ARK2C: variants seen among roughly 807,000 people sequenced by gnomAD.
ARK2C encodes the protein arkadia (RNF111) C-terminal like ring finger ubiquitin ligase 2C, also known as E3 ubiquitin-protein ligase ARK2C.
the ARK2C span, among the ~76,000 whole-genome samples, chr18:46,362,104 T>C: frequency 0.18 from 28,146 of 152,168 alleles, 2,986 homozygotes; most frequent in Middle Eastern, 0.24. Flanking sequence ...TATGGGAGTG[T>C]AATGGGGTGC....
the ARK2C span, among the ~76,000 whole-genome samples, chr18:46,411,568 T>C: frequency 2.0e-5 from 3 of 152,236 alleles, no homozygotes; most frequent in African/African-American, 7.2e-5. Flanking sequence ...ACAGCTGAGG[T>C]TCTGCCTCAC....
chr18:46,344,911 C>T, the ARK2C span, among the ~76,000 whole-genome samples: 1 of 152,332 alleles, frequency 6.6e-6, no homozygotes, highest in East Asian at 1.9e-4. Flanking sequence ...TCTTGGACAC[C>T]AGGGTGGTGG....
chr18:46,395,406 T>C, the ARK2C span, among the ~76,000 whole-genome samples: 1 of 152,212 alleles, frequency 6.6e-6, no homozygotes, highest in Non-Finnish European at 1.5e-5. Flanking sequence ...GCAGCATTCC[T>C]GGCACCTCCC....
chr18:46,390,620 CTCTTT>C, the ARK2C span, among the ~76,000 whole-genome samples: 2 of 152,176 alleles, frequency 1.3e-5, no homozygotes. Flanking sequence ...AAGCCGTTTT[CTCTTT>C]TCTTTTCTCT....
At chr18:46,435,155 C>T in the ARK2C span, 1 of 663,318 alleles carries the variant, frequency 1.5e-6, no homozygotes, top group Non-Finnish European at 2.7e-6. Flanking sequence ...AAGCTCAGTG[C>T]TTGCTAGACT....
At chr18:46,334,605 C>T in the ARK2C span, 6 of 487,768 alleles carry the variant, frequency 1.2e-5, no homozygotes, top group South Asian at 6.7e-5. This position sits in a 1 kb window ranked among gnomAD's most constrained non-coding sequence, Gnocchi z 4.4. Flanking sequence ...GACGTGGTTC[C>T]CCCAAATCAC....
chr18:46,382,466 C>A, the ARK2C span, among the ~76,000 whole-genome samples: 4 of 152,200 alleles, frequency 2.6e-5, no homozygotes, highest in African/African-American at 9.7e-5. Context: ...AGAGGAATCC[C>A]TCCCCTTATA....
the ARK2C span, among the ~76,000 whole-genome samples, chr18:46,360,414 T>C: frequency 1.3e-5 from 2 of 152,254 alleles, no homozygotes; most frequent in African/African-American, 2.4e-5. Context: ...GCAGTTTTAC[T>C]GCCTCTGTGG....
the ARK2C span, among the ~76,000 whole-genome samples, chr18:46,408,658 A>G: frequency 1.3e-5 from 2 of 152,210 alleles, no homozygotes; most frequent in African/African-American, 4.8e-5. Context: ...GCTGGAGTTA[A>G]TTAGAGCATC....
chr18:46,406,160 C>G, the ARK2C span, among the ~76,000 whole-genome samples: 1 of 152,196 alleles, frequency 6.6e-6, no homozygotes, highest in East Asian at 1.9e-4. Context: ...CAGACACTCA[C>G]CCCATGTGCA....
At chr18:46,334,713 TGTGAGA>T in the ARK2C span, 1,995 of 98,232 alleles carry the variant, frequency 0.02, 7 homozygotes, top group East Asian at 0.11. The surrounding 1 kb of genome is among the most constrained non-coding windows in gnomAD (Gnocchi z 4.4). Context: ...TGTGTGTGTG[TGTGAGA>T]GAGAGAGAGA....
chr18:46,444,631 T>C, the ARK2C span, among the ~76,000 whole-genome samples: 2 of 151,260 alleles, frequency 1.3e-5, no homozygotes, highest in Admixed American at 6.6e-5. Context: ...ACCCAACTAA[T>C]TTAAACATTT....
the ARK2C span, among the ~76,000 whole-genome samples, chr18:46,418,668 A>G: frequency 3.3e-5 from 5 of 152,278 alleles, no homozygotes; most frequent in Non-Finnish European, 5.9e-5. Context: ...TCTCACATGT[A>G]GAAGGCATGC....
chr18:46,380,393 T>C, the ARK2C span, among the ~76,000 whole-genome samples: 1 of 152,332 alleles, frequency 6.6e-6, no homozygotes, highest in Admixed American at 6.5e-5. Flanking sequence ...AGGAACTTGC[T>C]TAAGGTTTCT....
At chr18:46,337,939 C>T in the ARK2C span, among the ~76,000 whole-genome samples, 1 of 152,092 alleles carries the variant, frequency 6.6e-6, no homozygotes, top group African/African-American at 2.4e-5. Context: ...CTAGAGAGAA[C>T]CCCTACCTTT....
At chr18:46,389,216 C>T in the ARK2C span, among the ~76,000 whole-genome samples, 2 of 152,096 alleles carry the variant, frequency 1.3e-5, no homozygotes, top group African/African-American at 2.4e-5. Context: ...TCTGAAGGAA[C>T]CAAGAAAGTT....
chr18:46,456,117 T>G, the ARK2C span: 1 of 1,271,722 alleles, frequency 7.9e-7, no homozygotes, highest in Admixed American at 1.9e-5. Flanking sequence ...CTCCCCTCTC[T>G]TATAGGTATT....
At chr18:46,342,251 A>G in the ARK2C span, among the ~76,000 whole-genome samples, 1 of 152,164 alleles carries the variant, frequency 6.6e-6, no homozygotes, top group Non-Finnish European at 1.5e-5. Context: ...ACACTCGACT[A>G]TGGCCCCCTG....
the ARK2C span, among the ~76,000 whole-genome samples, chr18:46,390,006 G>T: frequency 2.0e-5 from 3 of 152,176 alleles, no homozygotes. Flanking sequence ...TGGACTATAG[G>T]CGTGAGCCAC....
Sources: gnomAD v4.1 joint callset for allele counts (sites outside exome capture counted in the v4.1 genomes callset) on GRCh38, gnomAD v4.1.1 for gene constraint, Gnocchi (gnomAD v3.1) non-coding constraint, MANE v1.5 for transcripts, NCBI Gene and HGNC (gene_info 2026-07-23, HGNC 2026-07-21) for gene names.